The following DLGAP1 variants were observed in gnomAD, a reference collection of about 807,000 sequenced individuals.
DLGAP1 encodes the protein disks large-associated protein 1.
In DLGAP1, 11 loss-of-function variants were observed where a neutral mutation model predicts 90.8. The ratio of observed to expected loss-of-function variants is 0.12; its 90% CI spans 0.08 to 0.20. The LOEUF (loss-of-function observed/expected upper bound fraction) is 0.20. Ranked by LOEUF, DLGAP1 falls within the 10% of genes least tolerant of loss-of-function variation. The pLI, the probability that DLGAP1 is intolerant of heterozygous loss-of-function variation, is 1.00. For synonymous variants in DLGAP1, 558 were observed against 540.7 expected (o/e 1.03, Z -0.44); for missense variants, 1,050 against 1,333.8 (o/e 0.79, Z 3.31).
At chr18:4,002,957 T>C (rs927373097) in intron 3 of DLGAP1, among the ~76,000 whole-genome samples, 1 of 152,190 alleles carries the variant, frequency 6.6e-6, no homozygotes, top group African/African-American at 2.4e-5. Flanking sequence ...TTGAGTGTTC[T>C]GGATGCTGAT....
intron 4 of DLGAP1, among the ~76,000 whole-genome samples, chr18:3,819,440 A>C (rs2067283710): frequency 6.6e-6 from 1 of 152,220 alleles, no homozygotes; most frequent in Non-Finnish European, 1.5e-5. Flanking sequence ...GAATCAATTA[A>C]AAACCTTTTA....
At chr18:4,131,429 G>T (rs1190149048) in intron 2 of DLGAP1, among the ~76,000 whole-genome samples, 1 of 152,174 alleles carries the variant, frequency 6.6e-6, no homozygotes, top group Non-Finnish European at 1.5e-5. Context: ...AAGGGCCAGA[G>T]AGTAAATGGC....
At chr18:4,333,839 A>T (rs578164228) in intron 1 of DLGAP1, among the ~76,000 whole-genome samples, 39 of 151,306 alleles carry the variant, frequency 2.6e-4, no homozygotes, top group Admixed American at 2.0e-3. Flanking sequence ...TAACCTCGTG[A>T]TCCGCCCGCC....
chr18:4,162,869 T>G (rs189134721), intron 1 of DLGAP1, among the ~76,000 whole-genome samples: 8 of 152,182 alleles, frequency 5.3e-5, no homozygotes, highest in African/African-American at 1.9e-4. Flanking sequence ...AATTACAATA[T>G]TTTGCAATGT....
intron 1 of DLGAP1, among the ~76,000 whole-genome samples, chr18:4,437,278 C>T (rs2083423255): frequency 6.6e-6 from 1 of 152,098 alleles, no homozygotes. Context: ...TGAATGCAGG[C>T]ATGATGTTTT....
intron 5 of DLGAP1, among the ~76,000 whole-genome samples, chr18:3,792,739 T>C (rs7231081): frequency 0.23 from 35,233 of 151,952 alleles, 4,174 homozygotes; most frequent in Admixed American, 0.25. Flanking sequence ...TCAGCCCAGA[T>C]TGAGCCTGTG....
chr18:4,137,184 A>G (rs2076419010), intron 2 of DLGAP1, among the ~76,000 whole-genome samples: 1 of 152,066 alleles, frequency 6.6e-6, no homozygotes. Flanking sequence ...GTTTGCTGAG[A>G]ATGATGGTTT....
chr18:3,761,195 T>C (rs1358476754), intron 5 of DLGAP1, among the ~76,000 whole-genome samples: 1 of 152,180 alleles, frequency 6.6e-6, no homozygotes, highest in African/African-American at 2.4e-5. Context: ...CAAAAGTTTT[T>C]TCTTATCCCA....
At chr18:3,752,849 T>C (rs1242952118) in intron 5 of DLGAP1, among the ~76,000 whole-genome samples, 3 of 152,030 alleles carry the variant, frequency 2.0e-5, no homozygotes, top group Non-Finnish European at 4.4e-5. Flanking sequence ...TGTTGTAGCA[T>C]GTATCAGTAC....
At chr18:3,978,619 G>T (rs1037725491) in intron 3 of DLGAP1, 1 of 203,784 alleles carries the variant, frequency 4.9e-6, no homozygotes, top group African/African-American at 2.3e-5. Flanking sequence ...TCACCATGGT[G>T]TCTCAGGGAC....
intron 3 of DLGAP1, among the ~76,000 whole-genome samples, chr18:3,990,522 T>C (rs2073942993): frequency 6.7e-6 from 1 of 149,922 alleles, no homozygotes; most frequent in Non-Finnish European, 1.5e-5. Flanking sequence ...TTAGGAGATA[T>C]ACCTAATGCT....
At chr18:3,522,068 T>C (rs2051228815) in intron 10 of DLGAP1, among the ~76,000 whole-genome samples, 1 of 151,840 alleles carries the variant, frequency 6.6e-6, no homozygotes, top group South Asian at 2.1e-4. Flanking sequence ...TTGTGGATGA[T>C]GAATTATATT....
At chr18:4,352,010 A>G (rs2081412916) in intron 1 of DLGAP1, among the ~76,000 whole-genome samples, 1 of 152,228 alleles carries the variant, frequency 6.6e-6, no homozygotes, top group African/African-American at 2.4e-5. Context: ...GTGCAACAGA[A>G]TAAGATCATC....
intron 2 of DLGAP1, among the ~76,000 whole-genome samples, chr18:4,019,302 C>T (rs779328487): frequency 6.6e-6 from 1 of 152,050 alleles, no homozygotes; most frequent in Non-Finnish European, 1.5e-5. Flanking sequence ...TGGTTAATTT[C>T]AAAGATGCTT....
intron 1 of DLGAP1, among the ~76,000 whole-genome samples, chr18:4,267,787 C>A (rs985559841): frequency 7.2e-5 from 11 of 152,150 alleles, no homozygotes; most frequent in Non-Finnish European, 1.3e-4. Flanking sequence ...CTTCTACAAG[C>A]TGTTGACAAG....
At chr18:4,059,118 G>A (rs1282507054) in intron 2 of DLGAP1, among the ~76,000 whole-genome samples, 1 of 152,188 alleles carries the variant, frequency 6.6e-6, no homozygotes, top group African/African-American at 2.4e-5. Context: ...TGAATAGGGG[G>A]CCCTCTGTGT....
chr18:4,259,895 C>T (rs1354470473), intron 1 of DLGAP1, among the ~76,000 whole-genome samples: 1 of 152,148 alleles, frequency 6.6e-6, no homozygotes, highest in Non-Finnish European at 1.5e-5. Flanking sequence ...AGGTCTACTG[C>T]TATCTTTTAT....
Position 3,508,645 on chromosome 18 carries a change from T to A in DLGAP1, c.2496A>T (p.Arg832=). ...GAAGTTGGGCACTGCCCACTGCGGT[T>A]CGGATTTTTCCTAGAACTGGAAAGA... ...NLPEDILGKI[R]TAVGSAQLLM... The change falls in exon 11 of 13, where the codon CGA becomes CGT. Residue 832 remains arginine, a synonymous_variant. Transcript: ENST00000315677. 1 of 1,613,994 alleles carries A rather than the reference T, an allele frequency of 6.2e-7. No individual in the cohort carries two copies. Among genetic ancestry groups the A allele is most frequent in the Non-Finnish European group, 8.5e-7 (1 of 1,179,924 alleles).
At chr18:3,730,283 A>T (rs974664758) in intron 6 of DLGAP1, among the ~76,000 whole-genome samples, 2 of 42,962 alleles carry the variant, frequency 4.7e-5, no homozygotes, top group East Asian at 1.5e-3. Context: ...AAAAAACCTG[A>T]TAAGATTCAT....
Sources: allele counts gnomAD v4.1 joint callset (sites outside exome capture counted in the v4.1 genomes callset), GRCh38; gene constraint gnomAD v4.1.1; transcripts MANE v1.5; gene names NCBI Gene and HGNC (gene_info 2026-07-23, HGNC 2026-07-21).